The following ACACA variants were observed in gnomAD, a reference collection of about 807,000 sequenced individuals.
ACACA encodes acetyl-CoA carboxylase 1.
Under a neutral mutation model 296.1 loss-of-function variants are expected in ACACA, and 103 were observed. That is an observed-to-expected ratio of 0.35 (90% CI 0.30 to 0.41). ACACA has a LOEUF of 0.41. Among genes scored for constraint, ACACA ranks in the 10% least tolerant of loss-of-function variants. ACACA has a pLI of 1.00. For missense variants in ACACA, 1,554 were observed against 2,989.7 expected, an observed-to-expected ratio of 0.52 and a Z score of 11.20; for synonymous variants, 953 against 1,038.6, an observed-to-expected ratio of 0.92 and a Z score of 1.58.
chr17:37,234,938 T>C (rs1269611373), intron 25 of ACACA, 37 bp downstream of exon 25: 6 of 1,612,604 alleles, frequency 3.7e-6, no homozygotes, highest in Admixed American at 1.7e-5. Context: ...TTGCATATCA[T>C]TGACGGTCTT....
chr17:37,241,200 A>AAAATAAAT lies in ACACA; in HGVS notation c.3033-644_3033-637dup, dbSNP rs202208460. On this transcript the variant is annotated intron_variant, in intron 23 of 55. Transcript: ENST00000616317. The stretch of plus-strand genomic sequence containing the variant: ...ACAGTGTGAGACCCTGTCTCCAAAA[A>AAAATAAAT]AAATAAATAAATAAATAAATAAATA... Among the ~76,000 whole-genome samples, 226 of 151,376 alleles carry AAAATAAAT rather than the reference A, an allele frequency of 1.5e-3. 1 individual carries two copies. In the South Asian group the frequency reaches 0.018, roughly 12 times the overall value.
chr17:37,400,041 T>C lies in ACACA; in HGVS notation c.38+6221A>G, dbSNP rs9912715. Among the ~76,000 whole-genome samples the C allele has an allele frequency of 4.1e-3, 627 of 152,164 alleles. 5 individuals are homozygous for C. The highest frequency in any genetic ancestry group is 0.014 in the African/African-American group (589 of 41,484). On this transcript the variant is annotated intron_variant, in intron 1 of 55. Transcript: ENST00000616317. Reference sequence around the variant, plus strand: ...TCAAATATATACCCATTACCGCAAATACTTATTTTTTTGTGTGGTAAGAAC... The same window carrying C: ...TCAAATATATACCCATTACCGCAAACACTTATTTTTTTGTGTGGTAAGAAC...
rs1490595099 is a variant in ACACA, at chr17:37,352,433, A to G, written c.39-12583T>C. On this transcript the variant is annotated intron_variant, in intron 1 of 55. Coordinates refer to ENST00000616317, the MANE Select transcript of ACACA (RefSeq NM_198834.3). ...TTTAGAGAAAACCAGAGTCTCAAGG[A>G]AAAGAACTGGCTCATGGCTGTATAA... 2.0e-5 allele frequency among the ~76,000 whole-genome samples: 3 copies of G among 152,124 alleles called. No homozygotes were observed. The East Asian group carries it at 5.8e-4, about 29-fold the overall frequency.
intron 35 of ACACA, among the ~76,000 whole-genome samples, chr17:37,194,097 T>C (rs564217221): frequency 1.3e-5 from 2 of 152,228 alleles, no homozygotes; most frequent in South Asian, 4.1e-4. Flanking sequence ...TGAATTCAAT[T>C]AGCAGAGTTC....
intron 11 of ACACA, among the ~76,000 whole-genome samples, chr17:37,260,283 T>C (rs2081423626): frequency 1.0e-4 from 4 of 38,828 alleles, no homozygotes; most frequent in Non-Finnish European, 1.2e-4. Context: ...TATATATATA[T>C]ATATATATAT....
intron 1 of ACACA, among the ~76,000 whole-genome samples, chr17:37,377,692 A>C (rs1257048342): frequency 1.3e-5 from 2 of 151,076 alleles, no homozygotes; most frequent in Non-Finnish European, 2.9e-5. Flanking sequence ...TAAATAAATA[A>C]ATAAATAAAT....
chr17:37,348,709 T>C (rs544197922), intron 1 of ACACA, among the ~76,000 whole-genome samples: 1 of 151,984 alleles, frequency 6.6e-6, no homozygotes, highest in South Asian at 2.1e-4. Flanking sequence ...GCGCGGTAAT[T>C]CCAGCACTTT....
intron 3 of ACACA, among the ~76,000 whole-genome samples, chr17:37,319,818 G>A (rs2047263539): frequency 1.3e-5 from 2 of 152,078 alleles, no homozygotes; most frequent in South Asian, 4.1e-4. Flanking sequence ...TGGGGGTGGT[G>A]GCAGGCCCCT....
intron 24 of ACACA, among the ~76,000 whole-genome samples, chr17:37,236,050 T>C (rs372357796): frequency 2.6e-5 from 4 of 152,216 alleles, no homozygotes; most frequent in African/African-American, 9.6e-5. Context: ...TATGAAATCA[T>C]GAAAACAGTA....
At chr17:37,286,961 C>A (rs1318490250) in intron 3 of ACACA, among the ~76,000 whole-genome samples, 1 of 152,070 alleles carries the variant, frequency 6.6e-6, no homozygotes, top group African/African-American at 2.4e-5. Context: ...TGTTGTTGTT[C>A]TTTTATTCTT....
intron 1 of ACACA, among the ~76,000 whole-genome samples, chr17:37,362,080 G>A (rs1453596263): frequency 6.6e-6 from 1 of 152,130 alleles, no homozygotes; most frequent in Non-Finnish European, 1.5e-5. Flanking sequence ...CGAGGACACA[G>A]ACACACATAT....
At chr17:37,401,350 G>A (rs1199751951) in intron 1 of ACACA, among the ~76,000 whole-genome samples, 15 of 151,352 alleles carry the variant, frequency 9.9e-5, no homozygotes, top group Admixed American at 4.0e-4. Flanking sequence ...CCGCCACCAC[G>A]CCCAGCTAAT....
At chr17:37,335,357 C>A (rs908364659) in intron 2 of ACACA, among the ~76,000 whole-genome samples, 1 of 152,150 alleles carries the variant, frequency 6.6e-6, no homozygotes, top group African/African-American at 2.4e-5. Context: ...CTGGAAATAA[C>A]CCATACCTCA....
chr17:37,373,031 C>T (rs1387126547), intron 1 of ACACA, among the ~76,000 whole-genome samples: 1 of 152,026 alleles, frequency 6.6e-6, no homozygotes, highest in Non-Finnish European at 1.5e-5. Flanking sequence ...TAGGCATGTG[C>T]CACGACGCCC....
intron 10 of ACACA, among the ~76,000 whole-genome samples, chr17:37,268,068 C>T (rs1381098996): frequency 6.6e-6 from 1 of 152,148 alleles, no homozygotes; most frequent in Non-Finnish European, 1.5e-5. Context: ...CAGTTCTCTA[C>T]CAAAATTCTC....
chr17:37,125,440 T>A (rs1282662961), intron 48 of ACACA, among the ~76,000 whole-genome samples: 1 of 152,200 alleles, frequency 6.6e-6, no homozygotes, highest in Non-Finnish European at 1.5e-5. Flanking sequence ...GCTCCCAAAG[T>A]GTTTTTCCTG....
chr17:37,227,956 C>T (rs527855601), intron 25 of ACACA, among the ~76,000 whole-genome samples: 6 of 152,058 alleles, frequency 3.9e-5, no homozygotes, highest in African/African-American at 1.4e-4. Flanking sequence ...GAAAGAAGAC[C>T]CAAAGGGCCT....
At chr17:37,154,704 C>T (rs2076170791) in intron 43 of ACACA, among the ~76,000 whole-genome samples, 1 of 152,064 alleles carries the variant, frequency 6.6e-6, no homozygotes, top group South Asian at 2.1e-4. Flanking sequence ...TCCATGTTGG[C>T]CAGGCTGGTC....
At chr17:37,342,440 T>TAC (rs2048425223) in intron 1 of ACACA, among the ~76,000 whole-genome samples, 1 of 77,880 alleles carries the variant, frequency 1.3e-5, no homozygotes, top group Non-Finnish European at 2.5e-5. Context: ...AAAAAAAATA[T>TAC]ATATATATAT....
Sources: gnomAD v4.1 joint callset for allele counts (sites outside exome capture counted in the v4.1 genomes callset) on GRCh38, gnomAD v4.1.1 for gene constraint, MANE v1.5 for transcripts, NCBI Gene and HGNC (gene_info 2026-07-23, HGNC 2026-07-21) for gene names.